Variants in COL11A2 observed in about 807,000 individuals in gnomAD.
COL11A2 encodes the protein collagen alpha-2(XI) chain.
A neutral mutation model predicts 273.4 loss-of-function variants in COL11A2; 116 were observed. The ratio of observed to expected loss-of-function variants is 0.42; its 90% CI spans 0.36 to 0.49. The LOEUF (loss-of-function observed/expected upper bound fraction) is 0.49, where lower values mean the gene tolerates loss of function less well. COL11A2 is among the 20% of genes least tolerant of loss of function. The pLI, the probability that COL11A2 is intolerant of heterozygous loss-of-function variation, is 0.00. For missense variants in COL11A2, 1,866 were observed against 2,309.0 expected (o/e 0.81, Z 3.93); for synonymous variants, 782 against 864.2 (o/e 0.90, Z 1.67).
chr6:33,186,700 T>C lies in COL11A2; in HGVS notation c.725A>G (p.His242Arg). The C allele has an allele frequency of 6.2e-7, 1 of 1,611,002 alleles. No individual in the cohort carries two copies. The highest frequency in any genetic ancestry group is 1.1e-5 in the South Asian group (1 of 90,904). The change falls in exon 5 of 66, where the codon CAC (histidine) becomes CGC (arginine). Residue 242 changes from histidine (H) to arginine (R), a missense_variant. Coordinates refer to ENST00000341947, the MANE Select transcript of COL11A2 (RefSeq NM_080680.3). ...QRERPQNQQP[H>R]RAQRSPQQQP... ...CTGCTGTGGAGATCTCTGGGCTCTG[T>C]GAGGCTGTTGGTTTTGGGGTCTTTC...
At chr6:33,193,328 C>G, upstream of COL11A2, among the ~76,000 whole-genome samples, 1 of 151,996 alleles carries the variant, frequency 6.6e-6, no homozygotes, top group Non-Finnish European at 1.5e-5. Context: ...CGCCCGCTGG[C>G]GCGGAGAGGG....
chr6:33,184,866 G>A (rs1350619227), intron 7 of COL11A2, 126 bp downstream of exon 7: 5 of 772,942 alleles, frequency 6.5e-6, no homozygotes, highest in South Asian at 3.2e-5. Context: ...AGAGGCCATC[G>A]ATGGAAATGA....
At chr6:33,175,066 A>G (rs2150563392) in intron 30 of COL11A2, among the ~76,000 whole-genome samples, 1 of 152,344 alleles carries the variant, frequency 6.6e-6, no homozygotes, top group African/African-American at 2.4e-5. Context: ...TTCTGAAGCC[A>G]GACTGCCTGG....
At chr6:33,188,589 T>C in intron 3 of COL11A2, 65 bp from the exon 4 acceptor site, 1 of 1,588,150 alleles carries the variant, frequency 6.3e-7, no homozygotes, top group Non-Finnish European at 8.6e-7. Flanking sequence ...TCAACATGGT[T>C]GGAGAGCAGT....
In COL11A2 at chr6:33,178,492, C is replaced by A. The variant is rs369678506; in HGVS notation, c.1720-4G>T. 93 of 1,612,930 alleles carry A rather than the reference C, an allele frequency of 5.8e-5. No individual in the cohort carries two copies. In the African/African-American group the frequency reaches 1.0e-3, roughly 17 times the overall value. On this transcript the variant is annotated splice_region_variant and splice_polypyrimidine_tract_variant and intron_variant, in intron 18 of 65. Transcript: ENST00000341947. This position sits in a 1 kb window ranked among gnomAD's most constrained non-coding sequence, Gnocchi z 4.6. ...GGCCCTGGGCACCAGTATCACCCTG[C>A]AAAATGGGGGAACTCATAAGAGGGG...
At chr6:33,191,307 G>T (rs1461276893) in intron 1 of COL11A2, among the ~76,000 whole-genome samples, 1 of 152,240 alleles carries the variant, frequency 6.6e-6, no homozygotes, top group East Asian at 1.9e-4. Context: ...GAGAAGAATT[G>T]AATAGTCAAG....
In COL11A2 at chr6:33,166,879, G is replaced by T. The variant is rs1048594040; in HGVS notation, c.4231-52C>A. 1.9e-6 allele frequency: 3 copies of T among 1,581,550 alleles called. No individual in the cohort carries two copies. Among genetic ancestry groups the T allele is most frequent in the South Asian group, 1.1e-5 (1 of 89,130 alleles). On this transcript the variant is annotated intron_variant, in intron 58 of 65. Coordinates refer to ENST00000341947, the MANE Select transcript of COL11A2 (RefSeq NM_080680.3). The surrounding 1 kb of genome is among the most constrained non-coding windows in gnomAD (Gnocchi z 4.8). ...GAATGCAAAGAGGAGTCATGTGGATGGGGGAGAAGGGCCAAGAGGACATGG... is the reference window on the plus strand; with the variant it reads ...GAATGCAAAGAGGAGTCATGTGGATTGGGGAGAAGGGCCAAGAGGACATGG...
rs1562301463 is a variant in COL11A2, at chr6:33,164,326, C to T, written c.5011G>A (p.Glu1671Lys). The T allele has an allele frequency of 6.2e-7, 1 of 1,613,010 alleles. No homozygotes were observed. Among genetic ancestry groups the T allele is most frequent in the Non-Finnish European group, 8.5e-7 (1 of 1,180,004 alleles). Residue 1671 changes from glutamate to lysine, a missense_variant, in exon 65 of 66, where the codon GAG becomes AAG. Physicochemically the swap from Glu to Lys is moderately conservative, Grantham distance 56 (BLOSUM62 1). Coordinates refer to ENST00000341947, the MANE Select transcript of COL11A2 (RefSeq NM_080680.3). The surrounding 1 kb of genome is among the most constrained non-coding windows in gnomAD (Gnocchi z 4.7). ...CTAGTCTCCGGGCTCAGCTCATCCT[C>T]ATTGGCCCCACGGAGTCTCAGGGGA... Reference protein sequence around the residue: ...DGPLRLRGANEDELSPETSPY... With the variant: ...DGPLRLRGANKDELSPETSPY...
Position 33,178,881 on chromosome 6 carries a change from G to A in COL11A2, c.1665+39C>T, listed in dbSNP as rs372379929. On this transcript the variant is annotated intron_variant, in intron 17 of 65. Coordinates refer to ENST00000341947, the MANE Select transcript of COL11A2 (RefSeq NM_080680.3). The surrounding 1 kb of genome is among the most constrained non-coding windows in gnomAD (Gnocchi z 4.6). ...GAAACAACTGAGCCCAGCGTGGGCTGAAGGCTACAGGCTTCAGGGAGGGGC... is the reference window on the plus strand; with the variant it reads ...GAAACAACTGAGCCCAGCGTGGGCTAAAGGCTACAGGCTTCAGGGAGGGGC... 120 of 1,613,172 alleles carry A rather than the reference G, an allele frequency of 7.4e-5. No individual in the cohort carries two copies. Among genetic ancestry groups the A allele is most frequent in the Non-Finnish European group, 9.5e-5 (112 of 1,179,650 alleles).
rs150784358 is a variant in COL11A2, at chr6:33,167,314, G to C, written c.4126C>G (p.Gln1376Glu). ...CCTGTAGCTCCAGGTCGGCCTTGCT[G>C]ACCCTGAAGATTTGAGGGGGCCACA... ...GLRGLPGSVG[Q>E]QGRPGATGQA... The change falls in exon 57 of 66, where the codon CAG becomes GAG. Residue 1376 changes from glutamine to glutamate, a missense_variant. Physicochemically the swap from Gln to Glu is conservative, Grantham distance 29. Transcript: ENST00000341947. This position sits in a 1 kb window ranked among gnomAD's most constrained non-coding sequence, Gnocchi z 6.1. The C allele has an allele frequency of 2.4e-5, 38 of 1,613,506 alleles. No homozygotes were observed. In the African/African-American group the frequency reaches 4.4e-4, roughly 19 times the overall value.
intron 12 of COL11A2, 37 bp downstream of exon 12, chr6:33,180,221 C>T (rs1297600343): frequency 1.9e-6 from 3 of 1,586,780 alleles, no homozygotes; most frequent in South Asian, 1.1e-5. Flanking sequence ...CCTTGTCTTC[C>T]CCATCAGCAT....
chr6:33,171,151 G>C lies in COL11A2; in HGVS notation c.3329C>G (p.Pro1110Arg), dbSNP rs377242569. Residue 1110 changes from proline (P) to arginine (R), a missense_variant, in exon 45 of 66, where the codon CCT becomes CGT. By Grantham distance (103) the Pro-to-Arg change is moderately radical. Transcript: ENST00000341947. Reference sequence around the variant, plus strand: ...CTGCCCCACAGGACCAATGGGTCCAGGGGGTCCAGGAGGGCCCTGGGTAAG... The same window carrying C: ...CTGCCCCACAGGACCAATGGGTCCACGGGGTCCAGGAGGGCCCTGGGTAAG... ...NKGEHGPPGP[P>R]GPIGPVGQPG... The C allele has an allele frequency of 1.7e-5, 27 of 1,600,840 alleles. No individual in the cohort carries two copies. In the African/African-American group the frequency reaches 3.6e-4, roughly 21 times the overall value.
rs1189043988 is a variant in COL11A2 at position 33,165,282 on chromosome 6, T to A, written c.4750+267A>T. Among the ~76,000 whole-genome samples the A allele has an allele frequency of 1.3e-5, 2 of 152,128 alleles. No individual in the cohort carries two copies. The highest frequency in any genetic ancestry group is 4.8e-5 in the African/African-American group (2 of 41,410). On this transcript the variant is annotated intron_variant, in intron 63 of 65. Coordinates refer to ENST00000341947, the MANE Select transcript of COL11A2 (RefSeq NM_080680.3). The surrounding 1 kb of genome is among the most constrained non-coding windows in gnomAD (Gnocchi z 7.7). ...GCAGGCGCTCACACAGATTCATCTG[T>A]TCAGGTGCAAACAGGTGTGTGCACG...
At chr6:33,183,398 T>C (rs1771970382) in intron 8 of COL11A2, among the ~76,000 whole-genome samples, 1 of 152,164 alleles carries the variant, frequency 6.6e-6, no homozygotes, top group Non-Finnish European at 1.5e-5. Context: ...ACAGGTAGAA[T>C]GTGACTCCTG....
intron 4 of COL11A2, 111 bp downstream of exon 4, chr6:33,188,250 GA>G (rs1042466888): frequency 8.2e-5 from 106 of 1,297,424 alleles, no homozygotes; most frequent in South Asian, 1.3e-4. Flanking sequence ...AAATTCATAA[GA>G]AAAAAAAATG....
At position 33,169,713 on chromosome 6, in the gene COL11A2, G is replaced by A; in HGVS notation, c.3690+118C>T. On this transcript the variant is annotated intron_variant, in intron 50 of 65. Coordinates refer to ENST00000341947, the MANE Select transcript of COL11A2 (RefSeq NM_080680.3). The surrounding 1 kb of genome is among the most constrained non-coding windows in gnomAD (Gnocchi z 5.5). ...GGATCAGGCCTCATAGAGGATGGCA[G>A]GGAGCAGAGACTCTTGCTGCAGAGG... 7.6e-7 allele frequency: 1 copy of A among 1,308,500 alleles called. No homozygotes were observed. The highest frequency in any genetic ancestry group is 1.1e-6 in the Non-Finnish European group (1 of 902,310). 81.1% of individuals were successfully genotyped at this position (1,308,500 alleles called of 1,614,324 possible). A position where few individuals can be genotyped will look rare whatever the true frequency, so the allele number is the denominator to read the frequency against.
At position 33,178,275 on chromosome 6, in the gene COL11A2, C is replaced by T; in HGVS notation, c.1818+33G>A. On this transcript the variant is annotated intron_variant, in intron 20 of 65. Transcript: ENST00000341947. The surrounding 1 kb of genome is among the most constrained non-coding windows in gnomAD (Gnocchi z 4.6). ...GTCCCCCTCCTGGCTTCCCCAGAGC[C>T]CCCTCCCCCAGCACCAGCCCTTGGA... 2 of 1,612,858 alleles carry T rather than the reference C, an allele frequency of 1.2e-6. No individual in the cohort carries two copies. The highest frequency in any genetic ancestry group is 1.3e-5 in the African/African-American group (1 of 74,958).
chr6:33,187,174 T>G (rs753711138), intron 4 of COL11A2, among the ~76,000 whole-genome samples: 3 of 152,212 alleles, frequency 2.0e-5, no homozygotes, highest in Non-Finnish European at 4.4e-5. Context: ...TTTGTGGCAA[T>G]GCATGAGCCC....
chr6:33,186,915 C>A (rs1208875105), intron 4 of COL11A2, 97 bp from the exon 5 acceptor site: 1 of 1,537,634 alleles, frequency 6.5e-7, no homozygotes, highest in African/African-American at 1.4e-5. Context: ...CTAGGTAAAA[C>A]CCTAAGATGG....
Sources: allele counts gnomAD v4.1 joint callset (sites outside exome capture counted in the v4.1 genomes callset), GRCh38; gene constraint gnomAD v4.1.1; non-coding constraint Gnocchi (gnomAD v3.1); transcripts MANE v1.5; gene names NCBI Gene and HGNC (gene_info 2026-07-23, HGNC 2026-07-21).